Variants in WDFY4 observed in about 807,000 individuals in gnomAD.
The protein encoded by WDFY4 is WDFY family member 4.
Under a neutral mutation model 351.9 loss-of-function variants are expected in WDFY4, and 169 were observed. That is an observed-to-expected ratio of 0.48 (90% CI 0.42 to 0.55). The LOEUF (loss-of-function observed/expected upper bound fraction) is 0.55, where lower values mean the gene tolerates loss of function less well. Ranked by LOEUF, WDFY4 falls within the 20% of genes least tolerant of loss-of-function variation. WDFY4 has a pLI of 0.00. For missense variants in WDFY4, 3,803 were observed against 3,935.6 expected (o/e 0.97, Z 0.90); for synonymous variants, 1,622 against 1,574.6 (o/e 1.03, Z -0.71).
intron 27 of WDFY4, among the ~76,000 whole-genome samples, chr10:48,806,391 AC>A: frequency 6.6e-6 from 1 of 151,454 alleles, no homozygotes; most frequent in East Asian, 1.9e-4. Flanking sequence ...TCCTGGTTGA[AC>A]CCCCACTACC....
At chr10:48,939,869 C>A (rs1840661510) in intron 47 of WDFY4, among the ~76,000 whole-genome samples, 1 of 152,190 alleles carries the variant, frequency 6.6e-6, no homozygotes, top group Non-Finnish European at 1.5e-5. Flanking sequence ...ATGCCTTTTT[C>A]TTCTGTACAC....
At chr10:48,806,193 G>A (rs1466131641) in intron 27 of WDFY4, 98 bp downstream of exon 27, 11 of 1,239,372 alleles carry the variant, frequency 8.9e-6, no homozygotes, top group Non-Finnish European at 1.3e-5. Flanking sequence ...GTAAGGAAGG[G>A]GAAGGCACCC....
intron 39 of WDFY4, among the ~76,000 whole-genome samples, chr10:48,840,425 T>TACACACACACACACATACACATACAC: frequency 6.9e-6 from 1 of 145,734 alleles, no homozygotes; most frequent in African/African-American, 2.5e-5. Context: ...CACATACACA[T>TACACACACACACACATACACATACAC]ACACACACAC....
chr10:48,946,807 C>A, intron 50 of WDFY4, 53 bp from the exon 51 acceptor site: 1 of 1,316,298 alleles, frequency 7.6e-7, no homozygotes, highest in Non-Finnish European at 1.1e-6. Flanking sequence ...ACATATCTGC[C>A]ACGTGTGAGT....
chr10:48,853,666 G>A (rs951793496), intron 39 of WDFY4, among the ~76,000 whole-genome samples: 3 of 152,178 alleles, frequency 2.0e-5, no homozygotes, highest in Non-Finnish European at 2.9e-5. Flanking sequence ...TTAGAAAATG[G>A]AACCACATCA....
At chr10:48,854,653 G>A (rs1259775168) in intron 39 of WDFY4, among the ~76,000 whole-genome samples, 3 of 152,142 alleles carry the variant, frequency 2.0e-5, no homozygotes, top group South Asian at 4.1e-4. Context: ...CAAAAACTAA[G>A]GTGTCTGGAT....
chr10:48,860,505 G>GATTAT (rs2069298529), intron 39 of WDFY4, among the ~76,000 whole-genome samples: 1 of 152,128 alleles, frequency 6.6e-6, no homozygotes, highest in Non-Finnish European at 1.5e-5. Context: ...ACCATAATGG[G>GATTAT]GGTCTACCCC....
intron 39 of WDFY4, among the ~76,000 whole-genome samples, chr10:48,866,601 G>A (rs1180191251): frequency 2.6e-5 from 4 of 152,130 alleles, no homozygotes; most frequent in Non-Finnish European, 5.9e-5. Flanking sequence ...TTCCTCTTCA[G>A]AATCTTGGCT....
chr10:48,879,436 G>A (rs547513351), intron 43 of WDFY4, among the ~76,000 whole-genome samples: 3 of 152,196 alleles, frequency 2.0e-5, no homozygotes, highest in African/African-American at 7.2e-5. Flanking sequence ...CTGATTATGT[G>A]GTGTCTCCAT....
intron 13 of WDFY4, among the ~76,000 whole-genome samples, chr10:48,770,958 C>T (rs149382452): frequency 4.9e-4 from 75 of 152,276 alleles, no homozygotes; most frequent in African/African-American, 1.8e-3. Flanking sequence ...AGGATGTCCC[C>T]CTGGAAAGTT....
chr10:48,851,954 A>C (rs779911222), intron 39 of WDFY4, among the ~76,000 whole-genome samples: 2 of 152,268 alleles, frequency 1.3e-5, no homozygotes, highest in African/African-American at 2.4e-5. Context: ...AACAGCTCTT[A>C]GAGGCCCTTT....
At chr10:48,773,362 T>C (rs2065928405) in intron 13 of WDFY4, among the ~76,000 whole-genome samples, 1 of 152,242 alleles carries the variant, frequency 6.6e-6, no homozygotes, top group Admixed American at 6.5e-5. Flanking sequence ...TCTCACTTGA[T>C]ACGACATCTT....
rs144225791 is a variant in WDFY4, at chr10:48,709,708, G to A, written c.-17-8G>A. On this transcript the variant is annotated splice_region_variant and splice_polypyrimidine_tract_variant and intron_variant, in intron 1 of 61. Coordinates refer to ENST00000325239, the MANE Select transcript of WDFY4 (RefSeq NM_001394531.1). Reference sequence around the variant, plus strand: ...AGGAATGTTCACTTCTATTTGTTCTGAATTCAGATCTGCTTTGCCACGGCA... The same window carrying A: ...AGGAATGTTCACTTCTATTTGTTCTAAATTCAGATCTGCTTTGCCACGGCA... 8.9e-3 allele frequency: 13,751 copies of A among 1,549,690 alleles called. 103 individuals are homozygous for A. Among genetic ancestry groups the A allele is most frequent in the Non-Finnish European group, 8.3e-3 (9,554 of 1,145,108 alleles).
At chr10:48,836,467 G>C (rs562278317) in intron 39 of WDFY4, among the ~76,000 whole-genome samples, 1 of 152,304 alleles carries the variant, frequency 6.6e-6, no homozygotes, top group Admixed American at 6.5e-5. Flanking sequence ...AAAGGAGTTG[G>C]TGTTGGAGGA....
Position 48,832,619 on chromosome 10 carries a change from C to G in WDFY4, c.6573C>G (p.His2191Gln), listed in dbSNP as rs370488042. ...CAAGTCGTTCAAATGTTGCACACCA[C>G]AGCAAAGTCACTTTGTGGAGTGGAA... is the stretch of plus-strand genomic sequence containing the variant. The part of the protein sequence containing the change: ...SLASRSNVAH[H>Q]SKVTLWSGSL... The change falls in exon 39 of 62, where the codon CAC becomes CAG. Residue 2191 changes from histidine (H) to glutamine (Q), a missense_variant. By Grantham distance (24) the His-to-Gln change is conservative. This residue lies in a region of WDFY4 where 3,054 missense variants were observed against 3,148.6 expected (regional missense o/e 0.97). Coordinates refer to ENST00000325239, the MANE Select transcript of WDFY4 (RefSeq NM_001394531.1). 3 of 1,551,032 alleles carry G rather than the reference C, an allele frequency of 1.9e-6. No homozygotes were observed. Among genetic ancestry groups the G allele is most frequent in the African/African-American group, 2.7e-5 (2 of 73,046 alleles).
Position 48,940,220 on chromosome 10 carries a change from G to T in WDFY4, c.7587-1586G>T, listed in dbSNP as rs559255943. On this transcript the variant is annotated intron_variant, in intron 47 of 61. Coordinates refer to ENST00000325239, the MANE Select transcript of WDFY4 (RefSeq NM_001394531.1). ...CCAGAACTGGGTGGGTGGCAGAGTCGCAGACACAGCAGGAGAACCATATCT... is the reference window on the plus strand; with the variant it reads ...CCAGAACTGGGTGGGTGGCAGAGTCTCAGACACAGCAGGAGAACCATATCT... Among the ~76,000 whole-genome samples, 3 of 152,348 alleles carry T rather than the reference G, an allele frequency of 2.0e-5. No homozygotes were observed. In the South Asian group the frequency reaches 6.2e-4, roughly 32 times the overall value.
rs772450422 is a variant in WDFY4, at chr10:48,736,078, C to A, written c.1878+8C>A. ...AAACTGGATCTCCTGAAGGTGATTT[C>A]AAGTCCTCCTTTGAGATTGGCTTCC... On this transcript the variant is annotated splice_region_variant and intron_variant, in intron 11 of 61. Coordinates refer to ENST00000325239, the MANE Select transcript of WDFY4 (RefSeq NM_001394531.1). 1 of 1,551,632 alleles carries A rather than the reference C, an allele frequency of 6.4e-7. No homozygotes were observed. The highest frequency in any genetic ancestry group is 1.4e-5 in the African/African-American group (1 of 73,056).
intron 8 of WDFY4, among the ~76,000 whole-genome samples, chr10:48,730,374 C>T (rs2064418381): frequency 6.6e-6 from 1 of 152,204 alleles, no homozygotes. Context: ...ACATGGGGCA[C>T]AGACATGGTT....
At chr10:48,757,563 T>C (rs141215064) in intron 12 of WDFY4, among the ~76,000 whole-genome samples, 2 of 152,056 alleles carry the variant, frequency 1.3e-5, no homozygotes, top group South Asian at 4.1e-4. Flanking sequence ...CTGACAATAG[T>C]GTCTATCAGT....
Sources: allele counts gnomAD v4.1 joint callset (sites outside exome capture counted in the v4.1 genomes callset), GRCh38; gene constraint gnomAD v4.1.1; regional missense constraint gnomAD v4.1.1; transcripts MANE v1.5; gene names NCBI Gene and HGNC (gene_info 2026-07-23, HGNC 2026-07-21).